Variants in CTNNA3 observed in about 807,000 individuals in gnomAD.
CTNNA3 encodes catenin alpha-3.
A neutral mutation model predicts 95.7 loss-of-function variants in CTNNA3; 76 were observed. That is an observed-to-expected ratio of 0.79 (90% CI 0.66 to 0.96). The LOEUF is 0.96. CTNNA3 is among the 40% of genes least tolerant of loss of function. The pLI is 0.00. For synonymous variants in CTNNA3, 431 were observed against 374.4 expected, an observed-to-expected ratio of 1.15 and a Z score of -1.74; for missense variants, 1,191 against 1,089.8, an observed-to-expected ratio of 1.09 and a Z score of -1.31.
chr10:67,148,732 C>A (rs114520234), intron 7 of CTNNA3, among the ~76,000 whole-genome samples: 4,286 of 152,250 alleles, frequency 0.028, 165 homozygotes, highest in African/African-American at 0.09. Context: ...GTGAAATCTA[C>A]ATAAAGATGA....
At chr10:66,165,319 A>C in intron 13 of CTNNA3, among the ~76,000 whole-genome samples, 1 of 152,076 alleles carries the variant, frequency 6.6e-6, no homozygotes, top group Non-Finnish European at 1.5e-5. Flanking sequence ...GGGTGGAGGA[A>C]GAGAGGGGAA....
intron 15 of CTNNA3, among the ~76,000 whole-genome samples, chr10:66,025,797 A>T (rs1290962648): frequency 6.6e-6 from 1 of 152,226 alleles, no homozygotes; most frequent in Non-Finnish European, 1.5e-5. Context: ...ATTACAAATA[A>T]GAGACATCCT....
At chr10:67,716,137 A>G (rs1287260961) in intron 1 of CTNNA3, among the ~76,000 whole-genome samples, 1 of 152,160 alleles carries the variant, frequency 6.6e-6, no homozygotes, top group East Asian at 1.9e-4. Flanking sequence ...GTTATCAAAT[A>G]TAGGTATATT....
intron 7 of CTNNA3, among the ~76,000 whole-genome samples, chr10:67,092,765 T>G (rs753480427): frequency 2.0e-5 from 3 of 151,990 alleles, no homozygotes; most frequent in Non-Finnish European, 2.9e-5. Flanking sequence ...TACATAGCAT[T>G]GATGTTGATA....
intron 7 of CTNNA3, chr10:67,099,008 C>A (rs1858175533): frequency 6.6e-6 from 1 of 151,742 alleles, no homozygotes. Context: ...ACAGCTCATT[C>A]AATATAGATA....
chr10:67,225,932 G>A (rs891281045), intron 5 of CTNNA3, among the ~76,000 whole-genome samples: 1 of 152,098 alleles, frequency 6.6e-6, no homozygotes, highest in African/African-American at 2.4e-5. Context: ...ATCAGGGAGG[G>A]ACCAGAGAAA....
intron 7 of CTNNA3, among the ~76,000 whole-genome samples, chr10:66,993,162 C>T (rs561040925): frequency 2.0e-5 from 3 of 152,202 alleles, no homozygotes; most frequent in African/African-American, 7.2e-5. Context: ...AATGGGAGCT[C>T]AGCTGGGGTT....
chr10:67,062,677 C>A (rs1855828548), intron 7 of CTNNA3, among the ~76,000 whole-genome samples: 1 of 152,180 alleles, frequency 6.6e-6, no homozygotes, highest in Non-Finnish European at 1.5e-5. Context: ...AATTCTGCAT[C>A]ATCTCTGCCC....
intron 1 of CTNNA3, among the ~76,000 whole-genome samples, chr10:67,689,768 A>T (rs1161824647): frequency 6.6e-6 from 1 of 152,046 alleles, no homozygotes; most frequent in African/African-American, 2.4e-5. Context: ...AGAGTCAGGG[A>T]TTGTTAGAGA....
At chr10:66,704,001 A>G (rs373202099) in intron 9 of CTNNA3, among the ~76,000 whole-genome samples, 94 of 152,178 alleles carry the variant, frequency 6.2e-4, no homozygotes, top group African/African-American at 2.2e-3. Context: ...TTGAGTACTC[A>G]TGGTTCCCTT....
chr10:66,285,096 A>C (rs1487521500), intron 12 of CTNNA3, among the ~76,000 whole-genome samples: 2 of 151,644 alleles, frequency 1.3e-5, no homozygotes, highest in Non-Finnish European at 2.9e-5. Context: ...TATGTCCCAA[A>C]GTACTGACCT....
intron 5 of CTNNA3, among the ~76,000 whole-genome samples, chr10:67,342,117 T>C (rs1337594138): frequency 6.9e-6 from 1 of 143,930 alleles, no homozygotes; most frequent in Non-Finnish European, 1.5e-5. Context: ...TTTTTTTTTT[T>C]TTTAGACAGA....
At chr10:66,230,214 T>C (rs1007567384) in intron 13 of CTNNA3, among the ~76,000 whole-genome samples, 2 of 152,220 alleles carry the variant, frequency 1.3e-5, no homozygotes, top group Admixed American at 1.3e-4. Context: ...TTGGGTCTGT[T>C]ACTGGAGAAT....
At chr10:66,461,629 G>C (rs1406753766) in intron 11 of CTNNA3, among the ~76,000 whole-genome samples, 1 of 150,382 alleles carries the variant, frequency 6.6e-6, no homozygotes, top group Non-Finnish European at 1.5e-5. Context: ...ATATAATAAG[G>C]AGATATCATT....
At chr10:66,071,809 C>T (rs936801650) in intron 14 of CTNNA3, among the ~76,000 whole-genome samples, 1 of 152,144 alleles carries the variant, frequency 6.6e-6, no homozygotes, top group Non-Finnish European at 1.5e-5. Context: ...TCAACCATTA[C>T]TTACACAAAT....
At chr10:65,930,289 C>A (rs1039626474) in intron 17 of CTNNA3, among the ~76,000 whole-genome samples, 1 of 149,224 alleles carries the variant, frequency 6.7e-6, no homozygotes, top group East Asian at 2.0e-4. Context: ...ATATAGGCAA[C>A]GGAAAAACTA....
chr10:65,946,564 G>A (rs1394945926), intron 17 of CTNNA3, among the ~76,000 whole-genome samples: 1 of 151,992 alleles, frequency 6.6e-6, no homozygotes, highest in African/African-American at 2.4e-5. Context: ...ACATCACCTT[G>A]CATTCTTAGA....
intron 9 of CTNNA3, among the ~76,000 whole-genome samples, chr10:66,765,629 T>C (rs1839816466): frequency 6.6e-6 from 1 of 151,920 alleles, no homozygotes; most frequent in African/African-American, 2.4e-5. Flanking sequence ...TTGACATCCA[T>C]AATACAGTAA....
At chr10:66,653,237 C>T (rs1407033218) in intron 9 of CTNNA3, among the ~76,000 whole-genome samples, 1 of 152,058 alleles carries the variant, frequency 6.6e-6, no homozygotes, top group African/African-American at 2.4e-5. Flanking sequence ...CACTAAACTA[C>T]TCTTAAAACT....
Sources: gnomAD v4.1 joint callset for allele counts (sites outside exome capture counted in the v4.1 genomes callset) on GRCh38, gnomAD v4.1.1 for gene constraint, MANE v1.5 for transcripts, NCBI Gene and HGNC (gene_info 2026-07-23, HGNC 2026-07-21) for gene names.